Variants in JPH3 observed in about 807,000 individuals in gnomAD.
The protein encoded by JPH3 is junctophilin-3.
A neutral mutation model predicts 59.6 loss-of-function variants in JPH3; 11 were observed. That is an observed-to-expected ratio of 0.18 (90% confidence interval 0.12 to 0.31). The LOEUF (loss-of-function observed/expected upper bound fraction) is 0.31. JPH3 is among the 10% of genes least tolerant of loss of function. The pLI, the probability that JPH3 is intolerant of heterozygous loss-of-function variation, is 1.00. For missense variants in JPH3, 1,202 were observed against 1,105.7 expected (o/e 1.09, Z -1.24); for synonymous variants, 673 against 483.6 (o/e 1.39, Z -5.14).
chr16:87,663,344 G>GTGC (rs1252202275), intron 2 of JPH3, among the ~76,000 whole-genome samples: 4 of 152,194 alleles, frequency 2.6e-5, no homozygotes, highest in Non-Finnish European at 5.9e-5. Flanking sequence ...CTGACCTCAA[G>GTGC]TGCTCCACCT....
chr16:87,635,847 G>A (rs1428432871), intron 1 of JPH3, among the ~76,000 whole-genome samples: 1 of 152,212 alleles, frequency 6.6e-6, no homozygotes, highest in African/African-American at 2.4e-5. Context: ...AGAGCCGGGG[G>A]CTCCTGTGTG....
intron 3 of JPH3, among the ~76,000 whole-genome samples, chr16:87,687,938 A>G (rs1352585930): frequency 6.7e-6 from 1 of 149,106 alleles, no homozygotes; most frequent in Non-Finnish European, 1.5e-5. Flanking sequence ...ATCCTGGCCA[A>G]GGAGGAGGTA....
intron 2 of JPH3, among the ~76,000 whole-genome samples, chr16:87,666,131 C>T (rs1411513599): frequency 6.6e-6 from 1 of 151,362 alleles, no homozygotes; most frequent in Non-Finnish European, 1.5e-5. Flanking sequence ...GCTCATTGCC[C>T]AGGCTGGAGT....
At chr16:87,674,691 G>C (rs554644480) in intron 2 of JPH3, among the ~76,000 whole-genome samples, 2 of 152,280 alleles carry the variant, frequency 1.3e-5, no homozygotes, top group East Asian at 3.9e-4. Context: ...TTTGAAGGAG[G>C]AGTTTTACTT....
At chr16:87,674,894 GGGACTA>G (rs1240192816) in intron 2 of JPH3, among the ~76,000 whole-genome samples, 1 of 152,064 alleles carries the variant, frequency 6.6e-6, no homozygotes, top group Non-Finnish European at 1.5e-5. Flanking sequence ...CTGAGTAGCT[GGGACTA>G]CAGGCGCCTG....
intron 2 of JPH3, among the ~76,000 whole-genome samples, chr16:87,674,389 C>G (rs2033094810): frequency 1.3e-5 from 2 of 152,296 alleles, no homozygotes; most frequent in East Asian, 1.9e-4. Flanking sequence ...TGGGCCAACA[C>G]TTGTGTCCAG....
At chr16:87,684,986 A>G (rs2033382184) in intron 3 of JPH3, among the ~76,000 whole-genome samples, 1 of 152,070 alleles carries the variant, frequency 6.6e-6, no homozygotes, top group Admixed American at 6.5e-5. Context: ...TGGGGTTAGG[A>G]GCGCGCCCCC....
chr16:87,672,524 C>T (rs2033044295), intron 2 of JPH3, among the ~76,000 whole-genome samples: 1 of 152,216 alleles, frequency 6.6e-6, no homozygotes, highest in Non-Finnish European at 1.5e-5. Flanking sequence ...AGACTGTGGC[C>T]CCACAGCCGT....
chr16:87,641,346 T>A (rs905983768), intron 1 of JPH3, among the ~76,000 whole-genome samples: 1 of 152,102 alleles, frequency 6.6e-6, no homozygotes, highest in Non-Finnish European at 1.5e-5. Flanking sequence ...AGGTTGCTTC[T>A]GATGTTGATG....
chr16:87,624,078 C>A (rs1185202771), intron 1 of JPH3, among the ~76,000 whole-genome samples: 1 of 152,236 alleles, frequency 6.6e-6, no homozygotes, highest in African/African-American at 2.4e-5. Flanking sequence ...GTCGCTGTCA[C>A]TCCCCAAATG....
intron 3 of JPH3, among the ~76,000 whole-genome samples, chr16:87,687,547 C>G (rs944664042): frequency 6.6e-6 from 1 of 152,240 alleles, no homozygotes; most frequent in Non-Finnish European, 1.5e-5. Context: ...GCCCAGGCCA[C>G]TTCCGGTGCC....
chr16:87,601,854 TC>T (rs2030206472), upstream of JPH3: 1 of 152,102 alleles, frequency 6.6e-6, no homozygotes, highest in Admixed American at 6.5e-5. Flanking sequence ...GTGACTTTGC[TC>T]CAAGATACAC....
intron 1 of JPH3, among the ~76,000 whole-genome samples, chr16:87,612,004 C>G (rs757679072): frequency 1.6e-4 from 25 of 152,222 alleles, no homozygotes; most frequent in Non-Finnish European, 2.9e-4. Flanking sequence ...GGTGCACTCA[C>G]TTTAACCCTA....
intron 2 of JPH3, among the ~76,000 whole-genome samples, chr16:87,652,972 C>G (rs1459381042): frequency 6.6e-6 from 1 of 152,204 alleles, no homozygotes; most frequent in Non-Finnish European, 1.5e-5. Context: ...CGGCTCAGGA[C>G]TGTCCTGCGG....
intron 2 of JPH3, among the ~76,000 whole-genome samples, chr16:87,671,433 C>T (rs2033012631): frequency 6.6e-6 from 1 of 152,208 alleles, no homozygotes; most frequent in South Asian, 2.1e-4. Context: ...GGTGACTCAG[C>T]CAGGGCCACT....
chr16:87,663,385 G>A (rs2032765486), intron 2 of JPH3, among the ~76,000 whole-genome samples: 1 of 152,214 alleles, frequency 6.6e-6, no homozygotes, highest in South Asian at 2.1e-4. Flanking sequence ...TGGGATTATA[G>A]GCATGTGCCA....
intron 1 of JPH3, among the ~76,000 whole-genome samples, chr16:87,627,369 G>A (rs1190003270): frequency 6.6e-6 from 1 of 152,364 alleles, no homozygotes; most frequent in African/African-American, 2.4e-5. Context: ...GATAACAGCA[G>A]CGGTCTCCAG....
At chr16:87,637,156 G>A (rs1419147439) in intron 1 of JPH3, among the ~76,000 whole-genome samples, 2 of 152,304 alleles carry the variant, frequency 1.3e-5, no homozygotes, top group Admixed American at 1.3e-4. Flanking sequence ...CTGTGCTTCC[G>A]CCCCCTGCTC....
chr16:87,682,791 C>T (rs1270635874), intron 2 of JPH3, among the ~76,000 whole-genome samples: 2 of 152,234 alleles, frequency 1.3e-5, no homozygotes, highest in Non-Finnish European at 2.9e-5. Flanking sequence ...CATTGTGCCT[C>T]AGTTTCCCCA....
Sources: allele counts gnomAD v4.1 joint callset (sites outside exome capture counted in the v4.1 genomes callset), GRCh38; gene constraint gnomAD v4.1.1; transcripts MANE v1.5; gene names NCBI Gene and HGNC (gene_info 2026-07-23, HGNC 2026-07-21).